Variants in PELP1 observed in about 807,000 individuals in gnomAD.
The protein encoded by PELP1 is proline, glutamate and leucine rich protein 1.
Under a neutral mutation model 95.5 loss-of-function variants are expected in PELP1, and 32 were observed. The observed-to-expected ratio is 0.34, with a 90% confidence interval of 0.25 to 0.45. The LOEUF (loss-of-function observed/expected upper bound fraction) is 0.45. PELP1 is among the 20% of genes least tolerant of loss of function. The pLI is 1.00. For synonymous variants in PELP1, 668 were observed against 600.1 expected, an observed-to-expected ratio of 1.11 and a Z score of -1.65; for missense variants, 1,358 against 1,444.8, an observed-to-expected ratio of 0.94 and a Z score of 0.97.
chr17:4,696,007 T>TAA (rs145740556), intron 1 of PELP1, among the ~76,000 whole-genome samples: 77 of 118,036 alleles, frequency 6.5e-4, no homozygotes, highest in African/African-American at 2.1e-3. Flanking sequence ...CTGATAACCA[T>TAA]AAAAAAAAGA....
intron 3 of PELP1, among the ~76,000 whole-genome samples, chr17:4,688,582 A>G (rs1463399534): frequency 6.6e-6 from 1 of 152,156 alleles, no homozygotes; most frequent in African/African-American, 2.4e-5. Flanking sequence ...CAAGAACTCA[A>G]CCACCTTTAC....
At position 4,674,627 on chromosome 17, in the gene PELP1, C is replaced by A; in HGVS notation, c.1465G>T (p.Gly489Trp). The change falls in exon 13 of 17, where the codon GGG becomes TGG. Residue 489 changes from glycine (G) to tryptophan (W), a missense_variant. Gly to Trp is a radical substitution (Grantham distance 184). This residue lies in a region of PELP1 where 538 missense variants were observed against 628.1 expected (regional missense o/e 0.86). Transcript: ENST00000572293. Reference protein sequence around the residue: ...RGSPDGSLQTGKPSAPKKLKL... With the variant: ...RGSPDGSLQTWKPSAPKKLKL... ...AGCTTCTTGGGGGCGCTAGGCTTCC[C>A]AGTCTGCAAACTCCCATCAGGGCTC... The A allele has an allele frequency of 6.2e-7, 1 of 1,604,188 alleles. No homozygotes were observed. Among genetic ancestry groups the A allele is most frequent in the Non-Finnish European group, 8.5e-7 (1 of 1,177,272 alleles).
At position 4,671,538 on chromosome 17, in the gene PELP1, G is replaced by A. The variant is rs369370917; in HGVS notation, c.3301-7C>T. ...CAGCTGTGTCATCCTGCTCCTTTTA[G>A]GCACAAAGATACAAGATTCAGAATA... On this transcript the variant is annotated splice_polypyrimidine_tract_variant and splice_region_variant and intron_variant, in intron 16 of 16. Coordinates refer to ENST00000572293, the MANE Select transcript of PELP1 (RefSeq NM_014389.3). The A allele has an allele frequency of 1.9e-5, 30 of 1,613,618 alleles. No homozygotes were observed. The Admixed American group carries it at 3.5e-4, about 19-fold the overall frequency.
rs576002808 is a variant in PELP1, at chr17:4,669,974, A to G, written c.*1465T>C. On this transcript the variant is annotated 3_prime_UTR_variant, in exon 17 of 17. Coordinates refer to ENST00000572293, the MANE Select transcript of PELP1 (RefSeq NM_014389.3). ...TGGTCCCATGAAAAAAGAAATGTGT[A>G]TAACTACAGATGTATAGATTAGACA... 15 of 152,138 alleles carry G rather than the reference A, an allele frequency of 9.9e-5. No homozygotes were observed. Among genetic ancestry groups the G allele is most frequent in the East Asian group, 7.7e-4 (4 of 5,184 alleles). The allele number at this position is 152,138 out of a possible 1,614,324, so 9.4% of individuals were successfully genotyped here.
chr17:4,692,035 C>T (rs1335555322), intron 1 of PELP1, among the ~76,000 whole-genome samples: 1 of 152,154 alleles, frequency 6.6e-6, no homozygotes, highest in African/African-American at 2.4e-5. Context: ...ACGGCACCCG[C>T]GTCTCCCTAA....
At chr17:4,676,693 C>A in intron 6 of PELP1, 60 bp downstream of exon 6, 2 of 1,448,462 alleles carry the variant, frequency 1.4e-6, no homozygotes, top group Admixed American at 2.0e-5. Flanking sequence ...AGAGGAGGAG[C>A]AGCAAGAGAC....
Position 4,671,781 on chromosome 17 carries a change from C to T in PELP1, c.3210G>A (p.Glu1070=), listed in dbSNP as rs1912212420. 6.6e-7 allele frequency: 1 copy of T among 1,517,572 alleles called. No individual in the cohort carries two copies. The highest frequency in any genetic ancestry group is 8.8e-7 in the Non-Finnish European group (1 of 1,136,994). 94.0% of individuals were successfully genotyped at this position (1,517,572 alleles called of 1,614,324 possible). The change falls in exon 16 of 17, where the codon GAG becomes GAA. Residue 1070 remains glutamate, a synonymous_variant. Transcript: ENST00000572293. ...GGGGCTGCACCTTGTCACTCCCATC[C>T]TCAGTCTCCTCTTCCAACAGGGTTG... ...APPTLLEEET[E]DGSDKVQPPP... is the part of the protein sequence containing the mutation.
At chr17:4,676,719 C>A (rs1912495271) in intron 6 of PELP1, 34 bp downstream of exon 6, 3 of 1,535,786 alleles carry the variant, frequency 2.0e-6, no homozygotes, top group Non-Finnish European at 2.7e-6. Flanking sequence ...AGGCTCAGAT[C>A]CCCGGGCTCT....
chr17:4,683,553 CAG>C (rs1359894458), intron 3 of PELP1, among the ~76,000 whole-genome samples: 2 of 18,314 alleles, frequency 1.1e-4, no homozygotes, highest in South Asian at 5.5e-3. Flanking sequence ...TTTTTTGAGA[CAG>C]AGTCTTGCTC....
At chr17:4,691,354 GA>G (rs564822019) in intron 2 of PELP1, 23 bp downstream of exon 2, 68 of 1,578,068 alleles carry the variant, frequency 4.3e-5, no homozygotes, top group African/African-American at 2.6e-4. Context: ...CGCCCCTGGA[GA>G]AAAAAAAGGG....
In PELP1 at chr17:4,675,118, C is replaced by A; in HGVS notation, c.1235G>T (p.Gly412Val). 1 of 1,613,912 alleles carries A rather than the reference C, an allele frequency of 6.2e-7. No individual in the cohort carries two copies. Among genetic ancestry groups the A allele is most frequent in the Non-Finnish European group, 8.5e-7 (1 of 1,179,882 alleles). ...CTGGCCTGGAGAGAGGGAATCTCTA[C>A]CGATGCTCCAGGAATTGAGGACCTG... ...LPQVLNSWSI[G>V]RDSLSPGQER... The change falls in exon 11 of 17, where the codon GGT becomes GTT. Residue 412 changes from glycine (G) to valine (V), a missense_variant. Gly to Val is a moderately radical substitution (Grantham distance 109). Transcript: ENST00000572293. The surrounding 1 kb of genome is among the most constrained non-coding windows in gnomAD (Gnocchi z 4.3).
In PELP1 at chr17:4,674,429, T is replaced by C. The variant is rs1174996534; in HGVS notation, c.1582+81A>G. ...CCCACAAAAGTTTCACCTAAGGGTA[T>C]AGTAGGTAGGGGAGTCCCACTAGGG... On this transcript the variant is annotated intron_variant, in intron 13 of 16. Coordinates refer to ENST00000572293, the MANE Select transcript of PELP1 (RefSeq NM_014389.3). 3.8e-6 allele frequency: 5 copies of C among 1,312,244 alleles called. No individual in the cohort carries two copies. In the East Asian group the frequency reaches 7.0e-5, roughly 18 times the overall value. The allele number at this position is 1,312,244 out of a possible 1,614,324, so 81.3% of individuals were successfully genotyped here.
chr17:4,690,938 A>G lies in PELP1; in HGVS notation c.370T>C (p.Phe124Leu). 1 of 1,613,966 alleles carries G rather than the reference A, an allele frequency of 6.2e-7. No homozygotes were observed. Among genetic ancestry groups the G allele is most frequent in the Admixed American group, 1.7e-5 (1 of 60,012 alleles). Residue 124 changes from phenylalanine (F) to leucine (L), a missense_variant, in exon 3 of 17, where the codon TTC becomes CTC. This residue lies in a region of PELP1 where 538 missense variants were observed against 628.1 expected (regional missense o/e 0.86). Coordinates refer to ENST00000572293, the MANE Select transcript of PELP1 (RefSeq NM_014389.3). ...LLVGESPTEL[F>L]QQHCVSWLRS... ...AGCCAAGACACACAGTGCTGCTGGA[A>G]TAGCTCTGTGGGGCTCTCCCCTACC...
intron 3 of PELP1, among the ~76,000 whole-genome samples, chr17:4,684,431 A>G (rs61250563): frequency 0.02 from 3,118 of 152,290 alleles, 136 homozygotes; most frequent in East Asian, 0.18. Context: ...CTTTTGCACC[A>G]ACCTAATAAA....
rs562147626 is a variant in PELP1 at position 4,672,273 on chromosome 17, C to CTCTTCCTCT, written c.2709_2717dup (p.Glu906_Glu908dup). The CTCTTCCTCT allele has an allele frequency of 2.3e-5, 35 of 1,552,472 alleles. No homozygotes were observed. The South Asian group carries it at 2.9e-4, about 13-fold the overall frequency. On this transcript the variant is annotated inframe_insertion, in exon 16 of 17. Transcript: ENST00000572293. ...CTTCCTCTTCCTCAAAGTCTTCCTC[C>CTCTTCCTCT]TCTTCCTCTTCTTCCTCTTCTTCTT...
rs1913202083 is a variant in PELP1, at chr17:4,693,955, G to C, written c.250-2513C>G. On this transcript the variant is annotated intron_variant, in intron 1 of 16. Transcript: ENST00000572293. ...CACCCGCCTGTAGTCCCAGCTACTT[G>C]GGAGGCTGAGGCATAAGAATCACTT... 2.0e-5 allele frequency among the ~76,000 whole-genome samples: 3 copies of C among 152,142 alleles called. No homozygotes were observed. The South Asian group carries it at 6.2e-4, about 32-fold the overall frequency.
At position 4,673,221 on chromosome 17, in the gene PELP1, C is replaced by T; in HGVS notation, c.1845+29G>A. 1 of 1,547,342 alleles carries T rather than the reference C, an allele frequency of 6.5e-7. No homozygotes were observed. The highest frequency in any genetic ancestry group is 1.4e-5 in the African/African-American group (1 of 73,324). On this transcript the variant is annotated intron_variant, in intron 15 of 16. Transcript: ENST00000572293. The surrounding 1 kb of genome is among the most constrained non-coding windows in gnomAD (Gnocchi z 5.7). ...CTTGGAAACAAGAGACTCCAGGAAC[C>T]AAAGAGGGGCTTGGCCCATCACAGT...
intron 1 of PELP1, among the ~76,000 whole-genome samples, chr17:4,691,984 C>T (rs1185868525): frequency 6.6e-6 from 1 of 152,154 alleles, no homozygotes; most frequent in Admixed American, 6.6e-5. Flanking sequence ...CATCAGCCCC[C>T]CAGGTAACCT....
chr17:4,680,481 T>C (rs2150556781), intron 5 of PELP1, among the ~76,000 whole-genome samples: 1 of 152,252 alleles, frequency 6.6e-6, no homozygotes. Context: ...TTTCACTGTG[T>C]TGCCCAGGCT....
Sources: gnomAD v4.1 joint callset for allele counts (sites outside exome capture counted in the v4.1 genomes callset) on GRCh38, gnomAD v4.1.1 for gene constraint, gnomAD v4.1.1 regional missense constraint, Gnocchi (gnomAD v3.1) non-coding constraint, MANE v1.5 for transcripts, NCBI Gene and HGNC (gene_info 2026-07-23, HGNC 2026-07-21) for gene names.